The following TPO variants were observed in gnomAD, a reference collection of about 807,000 sequenced individuals.
The protein encoded by TPO is thyroid microsomal antigen.
TPO carries 78 observed loss-of-function variants against 96.9 expected under a neutral mutation model. The observed-to-expected ratio is 0.81, with a 90% CI of 0.67 to 0.97. TPO has a LOEUF of 0.97. Among genes scored for constraint, TPO ranks in the 50% least tolerant of loss-of-function variants. The pLI is 0.00. For missense variants in TPO, 1,252 were observed against 1,274.8 expected (o/e 0.98, Z 0.27); for synonymous variants, 547 against 538.0 (o/e 1.02, Z -0.23).
intron 14 of TPO, chr2:1,512,401 C>T (rs540123395): frequency 7.0e-5 from 69 of 985,460 alleles, no homozygotes; most frequent in South Asian, 2.8e-4. Context: ...ATCCTGCCCC[C>T]GCCAAGGGCG....
intron 1 of TPO, among the ~76,000 whole-genome samples, chr2:1,404,874 A>G (rs1240434013): frequency 2.0e-5 from 3 of 152,038 alleles, no homozygotes; most frequent in African/African-American, 7.2e-5. Flanking sequence ...CTTTTTTCTT[A>G]CCTTTCAAGA....
At chr2:1,480,280 G>A (rs965192311) in intron 8 of TPO, among the ~76,000 whole-genome samples, 9 of 151,406 alleles carry the variant, frequency 5.9e-5, no homozygotes, top group African/African-American at 2.2e-4. Context: ...GGTCCTCTTT[G>A]GTGCTTTTTG....
In TPO at chr2:1,491,821, G is replaced by A. The variant is rs369351889; in HGVS notation, c.1769-1981G>A. 7.9e-5 allele frequency among the ~76,000 whole-genome samples: 12 copies of A among 152,306 alleles called. No individual in the cohort carries two copies. In the East Asian group the frequency reaches 1.2e-3, roughly 15 times the overall value. ...ATGGAGAGACACAGAGCCTCTTGAC[G>A]GGGCAAAGCACTTCCCGGTGGCTTT... On this transcript the variant is annotated intron_variant, in intron 10 of 16. Transcript: ENST00000329066.
At chr2:1,489,613 G>A (rs113640857) in intron 10 of TPO, among the ~76,000 whole-genome samples, 11 of 152,202 alleles carry the variant, frequency 7.2e-5, no homozygotes, top group African/African-American at 2.4e-4. Context: ...ACCCAGAACC[G>A]TCGACTGGCA....
At chr2:1,450,970 G>T (rs912698782) in intron 5 of TPO, among the ~76,000 whole-genome samples, 2 of 152,130 alleles carry the variant, frequency 1.3e-5, no homozygotes, top group African/African-American at 4.8e-5. Context: ...GAGCCACTTT[G>T]GTGTGCTGGA....
intron 8 of TPO, among the ~76,000 whole-genome samples, chr2:1,479,831 G>A (rs1003815087): frequency 7.9e-5 from 12 of 151,792 alleles, no homozygotes; most frequent in African/African-American, 2.9e-4. Context: ...ACCCAGGCTG[G>A]AGTATAGTGG....
rs732608 is a variant in TPO, at chr2:1,496,127, C to G, written c.2145C>G (p.Pro715=). Residue 715 remains proline, a synonymous_variant, in exon 12 of 17, where the codon CCC becomes CCG. Coordinates refer to ENST00000329066, the MANE Select transcript of TPO (RefSeq NM_001206744.2). ...ATGCCTTCCAAGTCGGCAAATTCCC[C>G]GAAGACTTTGAGTCTTGTGACAGCA... ...PMDAFQVGKF[P]EDFESCDSIT... The G allele has an allele frequency of 1.9e-6, 3 of 1,613,552 alleles. No homozygotes were observed. The highest frequency in any genetic ancestry group is 2.5e-6 in the Non-Finnish European group (3 of 1,179,850).
At chr2:1,423,215 G>T in intron 3 of TPO, 86 bp downstream of exon 3, 5 of 1,289,028 alleles carry the variant, frequency 3.9e-6, no homozygotes, top group East Asian at 2.4e-5. Flanking sequence ...CCTGATTTTC[G>T]CAATTGCAGA....
rs564980670 is a variant in TPO, at chr2:1,453,143, A to G, written c.483-551A>G. Among the ~76,000 whole-genome samples the G allele has an allele frequency of 1.4e-4, 22 of 152,198 alleles. No homozygotes were observed. The South Asian group carries it at 3.9e-3, about 27-fold the overall frequency. ...TTTTAACTTACTTTATTTTAATTCA[A>G]ATTCATTTATTAATGGTTCCTTTGA... On this transcript the variant is annotated intron_variant, in intron 5 of 16. Transcript: ENST00000329066.
intron 7 of TPO, among the ~76,000 whole-genome samples, chr2:1,467,464 GATTATTTA>G (rs1468117676): frequency 1.3e-5 from 2 of 152,170 alleles, no homozygotes; most frequent in Non-Finnish European, 2.9e-5. Context: ...TTCAGGAGCA[GATTATTTA>G]ATTTCCATGT....
chr2:1,413,482 T>C lies in TPO; in HGVS notation c.-65T>C, dbSNP rs1436143938. On this transcript the variant is annotated 5_prime_UTR_variant, in exon 1 of 17. Coordinates refer to ENST00000329066, the MANE Select transcript of TPO (RefSeq NM_001206744.2). ...CCCTGGAAGGCAATTAAGGCGCCCA[T>C]TTCAGAAGAGTTACAGCCGTGAAAA... 1.1e-5 allele frequency: 2 copies of C among 175,526 alleles called. No homozygotes were observed. Among genetic ancestry groups the C allele is most frequent in the African/African-American group, 4.8e-5 (2 of 41,816 alleles). 10.9% of individuals were successfully genotyped at this position (175,526 alleles called of 1,614,324 possible).
intron 5 of TPO, among the ~76,000 whole-genome samples, chr2:1,443,768 G>A (rs1165786053): frequency 3.1e-5 from 1 of 32,690 alleles, no homozygotes; most frequent in African/African-American, 7.8e-5. Flanking sequence ...AGGGAATGGG[G>A]CAGGCTCCTT....
chr2:1,494,164 T>A, intron 11 of TPO, 125 bp downstream of exon 11: 1 of 1,009,838 alleles, frequency 9.9e-7, no homozygotes, highest in South Asian at 1.3e-5. Flanking sequence ...TACGTAAGCC[T>A]GGTCAGGTTG....
chr2:1,473,108 G>A (rs1669589426), intron 7 of TPO, among the ~76,000 whole-genome samples: 1 of 152,138 alleles, frequency 6.6e-6, no homozygotes, highest in Non-Finnish European at 1.5e-5. Context: ...AGAACTGTCA[G>A]CATGAAGCAC....
chr2:1,453,630 G>A, intron 5 of TPO, 64 bp from the exon 6 acceptor site: 1 of 1,612,040 alleles, frequency 6.2e-7, no homozygotes, highest in South Asian at 1.1e-5. Flanking sequence ...TCTTATATCT[G>A]GAACTCACTG....
intron 15 of TPO, among the ~76,000 whole-genome samples, chr2:1,530,032 AC>A (rs929468170): frequency 4.4e-5 from 3 of 67,500 alleles, no homozygotes; most frequent in African/African-American, 1.9e-4. Context: ...TCCCCAAATC[AC>A]CCCCACTCTC....
At chr2:1,407,755 A>G (rs1156555794) in intron 1 of TPO, among the ~76,000 whole-genome samples, 2 of 151,602 alleles carry the variant, frequency 1.3e-5, no homozygotes, top group Non-Finnish European at 2.9e-5. Flanking sequence ...GGCAATTTAA[A>G]TTCACTAAAA....
chr2:1,388,952 A>G (rs1210228212), intron 1 of TPO, among the ~76,000 whole-genome samples: 3 of 152,344 alleles, frequency 2.0e-5, no homozygotes, highest in Non-Finnish European at 2.9e-5. Context: ...TTTGCCCCAA[A>G]TAAGTGAATA....
intron 15 of TPO, among the ~76,000 whole-genome samples, chr2:1,537,743 A>G (rs1680155374): frequency 9.5e-6 from 1 of 105,750 alleles, no homozygotes; most frequent in African/African-American, 3.7e-5. Context: ...ACTGTCTGCA[A>G]ACTCCCCACA....
Sources: gnomAD v4.1 joint callset for allele counts (sites outside exome capture counted in the v4.1 genomes callset) on GRCh38, gnomAD v4.1.1 for gene constraint, MANE v1.5 for transcripts, NCBI Gene and HGNC (gene_info 2026-07-23, HGNC 2026-07-21) for gene names.